NRP1: variants seen among roughly 807,000 people sequenced by gnomAD.
NRP1 encodes the protein neuropilin 1.
In NRP1, 35 loss-of-function variants were observed where a neutral mutation model predicts 106.7. The ratio of observed to expected loss-of-function variants is 0.33; its 90% CI spans 0.25 to 0.43. The LOEUF is 0.43. Among genes scored for constraint, NRP1 ranks in the 20% least tolerant of loss-of-function variants. The pLI is 1.00. For synonymous variants in NRP1, 437 were observed against 417.9 expected (o/e 1.05, Z -0.56); for missense variants, 1,024 against 1,170.4 (o/e 0.87, Z 1.83).
In NRP1 at chr10:33,186,313, C is replaced by T. The variant is rs1201428920; in HGVS notation, c.2238G>A (p.Glu746=). 2.5e-6 allele frequency: 4 copies of T among 1,614,040 alleles called. No individual in the cohort carries two copies. The Admixed American group carries it at 5.0e-5, about 20-fold the overall frequency. The change falls in exon 14 of 17, where the codon GAG becomes GAA. Residue 746 remains glutamate (E), a synonymous_variant. Transcript: ENST00000374867. ...LRVKLRYQKP[E]EYDQLVWMAI... ...CCATCCAGACCAGCTGATCGTACTCCTCTGGCTTCTGGTAGCGCAGTTTGA... is the reference window on the plus strand; with the variant it reads ...CCATCCAGACCAGCTGATCGTACTCTTCTGGCTTCTGGTAGCGCAGTTTGA...
chr10:33,230,084 T>C (rs1422877538), intron 6 of NRP1, among the ~76,000 whole-genome samples: 1 of 129,566 alleles, frequency 7.7e-6, no homozygotes, highest in Non-Finnish European at 1.7e-5. Context: ...ATACAGCCTC[T>C]CCAGCACTTA....
At chr10:33,332,272 C>G (rs1365608327) in intron 1 of NRP1, among the ~76,000 whole-genome samples, 1 of 152,114 alleles carries the variant, frequency 6.6e-6, no homozygotes, top group Non-Finnish European at 1.5e-5. Flanking sequence ...TAAGCTTTGC[C>G]AGGAAGAAAT....
At position 33,178,118 on chromosome 10, in the gene NRP1, A is replaced by G. The variant is rs1346872955; in HGVS notation, c.*1958T>C. The G allele has an allele frequency of 2.0e-5, 3 of 152,644 alleles. No homozygotes were observed. The highest frequency in any genetic ancestry group is 4.4e-5 in the Non-Finnish European group (3 of 68,034). The allele number at this position is 152,644 out of a possible 1,614,324, so 9.5% of individuals were successfully genotyped here. A position where few individuals can be genotyped will look rare whatever the true frequency, so the allele number is the denominator to read the frequency against. On this transcript the variant is annotated 3_prime_UTR_variant, in exon 17 of 17. Transcript: ENST00000374867. ...AACTATTCTTCTTTCATGGTGATCA[A>G]TATTTTCCTGGAAACAAAAGGCATT...
Position 33,326,772 on chromosome 10 carries a change from G to A in NRP1, c.248+3936C>T, listed in dbSNP as rs115370003. Among the ~76,000 whole-genome samples the A allele has an allele frequency of 3.6e-3, 541 of 152,174 alleles. 2 individuals are homozygous for A. The highest frequency in any genetic ancestry group is 0.012 in the African/African-American group (511 of 41,522). Reference sequence around the variant, plus strand: ...AACTTACACATTTAATTTTCCTAACGAAGTATCCACCTTTGACAGCCACTG... The same window carrying A: ...AACTTACACATTTAATTTTCCTAACAAAGTATCCACCTTTGACAGCCACTG... On this transcript the variant is annotated intron_variant, in intron 2 of 16. Coordinates refer to ENST00000374867, the MANE Select transcript of NRP1 (RefSeq NM_003873.7).
chr10:33,270,792 C>G lies in NRP1; in HGVS notation c.313G>C (p.Gly105Arg). 2.5e-6 allele frequency: 4 copies of G among 1,613,832 alleles called. No individual in the cohort carries two copies. Among genetic ancestry groups the G allele is most frequent in the Non-Finnish European group, 3.4e-6 (4 of 1,179,870 alleles). ...ACAACAGGAGGAGGGGCTATCTTTCCACAGAACTTTCCCCTAAAATGTCCA... is the reference window on the plus strand; with the variant it reads ...ACAACAGGAGGAGGGGCTATCTTTCGACAGAACTTTCCCCTAAAATGTCCA... The part of the protein sequence containing the change: ...ENGHFRGKFC[G>R]KIAPPPVVSS... Residue 105 changes from glycine to arginine, a missense_variant, in exon 3 of 17, where the codon GGA becomes CGA. By Grantham distance (125) the Gly-to-Arg change is moderately radical. This residue lies in a region of NRP1 where 279 missense variants were observed against 327.4 expected (regional missense o/e 0.85). Transcript: ENST00000374867.
chr10:33,236,861 G>A (rs964997246), intron 6 of NRP1, among the ~76,000 whole-genome samples: 8 of 152,128 alleles, frequency 5.3e-5, no homozygotes, highest in African/African-American at 1.9e-4. Context: ...TTATGTGTCA[G>A]GTATTGTACT....
intron 6 of NRP1, among the ~76,000 whole-genome samples, chr10:33,227,788 G>A (rs1839790466): frequency 6.6e-6 from 1 of 152,096 alleles, no homozygotes; most frequent in South Asian, 2.1e-4. Flanking sequence ...GGGAAGGAAT[G>A]GATTTAAGCA....
At chr10:33,280,047 G>C (rs895141716) in intron 2 of NRP1, among the ~76,000 whole-genome samples, 4 of 152,162 alleles carry the variant, frequency 2.6e-5, no homozygotes, top group African/African-American at 7.2e-5. Flanking sequence ...ACAGAAAAGT[G>C]ATAACAGCTT....
At position 33,330,774 on chromosome 10, in the gene NRP1, G is replaced by A. The variant is rs771267477; in HGVS notation, c.182C>T (p.Pro61Leu). The A allele has an allele frequency of 1.9e-6, 3 of 1,613,820 alleles. No individual in the cohort carries two copies. Among genetic ancestry groups the A allele is most frequent in the Non-Finnish European group, 1.7e-6 (2 of 1,179,818 alleles). ...GATCATAATTCTCTGGTATGGGTCCGGAGCCTGAATCAGCCATTCGCATTT... is the reference window on the plus strand; with the variant it reads ...GATCATAATTCTCTGGTATGGGTCCAGAGCCTGAATCAGCCATTCGCATTT... Reference protein sequence around the residue: ...SEKCEWLIQAPDPYQRIMINF... With the variant: ...SEKCEWLIQALDPYQRIMINF... The change falls in exon 2 of 17, where the codon CCG becomes CTG. Residue 61 changes from proline (P) to leucine (L), a missense_variant. Transcript: ENST00000374867.
At chr10:33,305,503 A>G (rs1053169967) in intron 2 of NRP1, among the ~76,000 whole-genome samples, 10 of 151,918 alleles carry the variant, frequency 6.6e-5, no homozygotes, top group African/African-American at 2.4e-4. Context: ...ATGGCTGAAG[A>G]CAAGTGTGTT....
intron 2 of NRP1, among the ~76,000 whole-genome samples, chr10:33,278,383 A>T (rs1431730445): frequency 6.6e-6 from 1 of 152,140 alleles, no homozygotes; most frequent in Non-Finnish European, 1.5e-5. Flanking sequence ...GCTTGGACAC[A>T]AGCCACAGAG....
intron 2 of NRP1, among the ~76,000 whole-genome samples, chr10:33,326,677 T>A (rs1208724492): frequency 6.6e-6 from 1 of 152,212 alleles, no homozygotes; most frequent in Non-Finnish European, 1.5e-5. Flanking sequence ...TTCTGATGCT[T>A]ATTTGTAATG....
intron 9 of NRP1, 33 bp from the exon 10 acceptor site, chr10:33,207,749 A>T: frequency 7.8e-7 from 1 of 1,289,788 alleles, no homozygotes; most frequent in South Asian, 1.5e-5. Flanking sequence ...GGCATTAAGG[A>T]AAAAAAAAAA....
rs61758236 is a variant in NRP1, at chr10:33,334,205, G to C, written c.73+105C>G. On this transcript the variant is annotated intron_variant, in intron 1 of 16. Coordinates refer to ENST00000374867, the MANE Select transcript of NRP1 (RefSeq NM_003873.7). ...TAAAAGTTTCCTTCGCCCGGGAGTC[G>C]GTTGTTCCCGGCTGATCCCGGGAAG... The C allele has an allele frequency of 5.9e-4, 599 of 1,012,172 alleles. 1 individual carries two copies. The African/African-American group carries it at 9.0e-3, about 15-fold the overall frequency. The allele number at this position is 1,012,172 out of a possible 1,614,324, so 62.7% of individuals were successfully genotyped here.
intron 6 of NRP1, among the ~76,000 whole-genome samples, chr10:33,238,229 C>A (rs1840733233): frequency 6.6e-6 from 1 of 152,242 alleles, no homozygotes; most frequent in Admixed American, 6.5e-5. Flanking sequence ...CAGCTCCTAT[C>A]CTCTGTGGAT....
At chr10:33,286,854 C>A (rs1844606049) in intron 2 of NRP1, among the ~76,000 whole-genome samples, 1 of 151,962 alleles carries the variant, frequency 6.6e-6, no homozygotes, top group African/African-American at 2.4e-5. Context: ...GTCCATTTAA[C>A]ATTTTTGCGT....
At chr10:33,236,725 C>T (rs1374912855) in intron 6 of NRP1, among the ~76,000 whole-genome samples, 1 of 152,186 alleles carries the variant, frequency 6.6e-6, no homozygotes, top group African/African-American at 2.4e-5. Flanking sequence ...GGATTTCAGC[C>T]ACTTTAAGAC....
At chr10:33,198,906 A>T (rs906702402) in intron 11 of NRP1, among the ~76,000 whole-genome samples, 6 of 152,128 alleles carry the variant, frequency 3.9e-5, no homozygotes, top group Non-Finnish European at 8.8e-5. Flanking sequence ...GAATTGGAAG[A>T]CTGAACAAAT....
At chr10:33,181,549 A>G (rs1835686650) in intron 16 of NRP1, among the ~76,000 whole-genome samples, 1 of 152,222 alleles carries the variant, frequency 6.6e-6, no homozygotes, top group African/African-American at 2.4e-5. Context: ...TGGTGGAGCA[A>G]GTGTCCAACA....
Sources: gnomAD v4.1 joint callset for allele counts (sites outside exome capture counted in the v4.1 genomes callset) on GRCh38, gnomAD v4.1.1 for gene constraint, gnomAD v4.1.1 regional missense constraint, MANE v1.5 for transcripts, NCBI Gene and HGNC (gene_info 2026-07-23, HGNC 2026-07-21) for gene names.